Variants in TXNRD3 observed in about 807,000 individuals in gnomAD.
TXNRD3 encodes TXNRD3 neighbor gene protein.
Under a neutral mutation model 78.2 loss-of-function variants are expected in TXNRD3, and 68 were observed. The observed-to-expected ratio is 0.87, with a 90% confidence interval of 0.72 to 1.06. The LOEUF (loss-of-function observed/expected upper bound fraction) is 1.06, where lower values mean the gene tolerates loss of function less well. TXNRD3 is among the 50% of genes least tolerant of loss of function. TXNRD3 has a pLI of 0.00. For synonymous variants in TXNRD3, 296 were observed against 300.1 expected (o/e 0.99, Z 0.14); for missense variants, 751 against 809.5 (o/e 0.93, Z 0.88).
chr3:126,646,160 T>C lies in TXNRD3; in HGVS notation c.365A>G (p.Asn122Ser), dbSNP rs749937146. 9 of 1,534,422 alleles carry C rather than the reference T, an allele frequency of 5.9e-6. No individual in the cohort carries two copies. The highest frequency in any genetic ancestry group is 7.9e-6 in the Non-Finnish European group (9 of 1,146,240). ...TACATGCACTTTATTCACGAAAATA[T>C]TGGGCACAGTTTTCTGATTAGTGAT... Residue 122 changes from asparagine to serine, a missense_variant, in exon 3 of 16, where the codon AAT becomes AGT. Asn to Ser is a conservative substitution (Grantham distance 46). Transcript: ENST00000524230.
At chr3:126,643,584 C>T (rs999607255) in intron 5 of TXNRD3, among the ~76,000 whole-genome samples, 1 of 152,132 alleles carries the variant, frequency 6.6e-6, no homozygotes, top group Non-Finnish European at 1.5e-5. Context: ...AAAAATACTA[C>T]GGCAGAAGTG....
intron 8 of TXNRD3, among the ~76,000 whole-genome samples, chr3:126,631,520 G>T (rs1938713871): frequency 6.7e-6 from 1 of 149,472 alleles, no homozygotes; most frequent in African/African-American, 2.5e-5. Context: ...AAACTCCCAG[G>T]CTACTTCTAG....
chr3:126,610,995 T>C (rs1938187134), intron 14 of TXNRD3, 42 bp downstream of exon 14: 1 of 1,197,330 alleles, frequency 8.4e-7, no homozygotes, highest in African/African-American at 1.6e-5. Context: ...AAAAGCTACA[T>C]TTAAAAATCA....
chr3:126,643,788 G>A (rs1310049672), intron 5 of TXNRD3, among the ~76,000 whole-genome samples, 193 bp downstream of exon 5: 1 of 151,856 alleles, frequency 6.6e-6, no homozygotes, highest in Non-Finnish European at 1.5e-5. Flanking sequence ...GGGCTAGTCT[G>A]GAACTTCTGG....
chr3:126,650,416 G>A (rs999431140), intron 1 of TXNRD3, among the ~76,000 whole-genome samples: 2 of 150,320 alleles, frequency 1.3e-5, no homozygotes, highest in Non-Finnish European at 3.0e-5. Flanking sequence ...GCCAGGCGGT[G>A]GATCACTTGA....
At chr3:126,637,115 T>G (rs1335551133) in intron 6 of TXNRD3, among the ~76,000 whole-genome samples, 1 of 152,198 alleles carries the variant, frequency 6.6e-6, no homozygotes, top group Admixed American at 6.5e-5. Flanking sequence ...TTTTGGAGAC[T>G]GGGTTATTCT....
Position 126,621,807 on chromosome 3 carries a change from T to C in TXNRD3, c.1459A>G (p.Thr487Ala), listed in dbSNP as rs1339875356. 6.5e-7 allele frequency: 1 copy of C among 1,535,484 alleles called. No individual in the cohort carries two copies. ...TTGCCTGACTGTATGGCGACAGGAG[T>C]GAGCTCTGGCTTATCCTCCAAAATA... The change falls in exon 12 of 16, where the codon ACT (threonine) becomes GCT (alanine). Residue 487 changes from threonine to alanine, a missense_variant. Coordinates refer to ENST00000524230, the MANE Select transcript of TXNRD3 (RefSeq NM_052883.3).
intron 1 of TXNRD3, among the ~76,000 whole-genome samples, chr3:126,651,783 A>G (rs1166834202): frequency 6.6e-6 from 1 of 152,222 alleles, no homozygotes; most frequent in African/African-American, 2.4e-5. Context: ...AGTCACAAAG[A>G]AGAAAACAAA....
At chr3:126,637,496 T>A (rs975112820) in intron 6 of TXNRD3, among the ~76,000 whole-genome samples, 4 of 152,202 alleles carry the variant, frequency 2.6e-5, no homozygotes, top group Admixed American at 6.5e-5. Flanking sequence ...CCACTGATAT[T>A]ATTTACATTT....
chr3:126,654,797 C>A lies in TXNRD3; in HGVS notation c.194G>T (p.Arg65Leu). The change falls in exon 1 of 16, where the codon CGC becomes CTC. Residue 65 changes from arginine to leucine, a missense_variant. Arg to Leu is a moderately radical substitution (Grantham distance 102). Transcript: ENST00000524230. Reference sequence around the variant, plus strand: ...CTTGCTGAAGATCACCACCCGGCTGCGCTCGATGAGGCCCACGAGGTGGCG... The same window carrying A: ...CTTGCTGAAGATCACCACCCGGCTGAGCTCGATGAGGCCCACGAGGTGGCG... 11 of 1,431,288 alleles carry A rather than the reference C, an allele frequency of 7.7e-6. No individual in the cohort carries two copies. The highest frequency in any genetic ancestry group is 1.0e-5 in the Non-Finnish European group (11 of 1,093,598). The allele number at this position is 1,431,288 out of a possible 1,614,324, so 88.7% of individuals were successfully genotyped here.
chr3:126,627,406 C>T (rs1043565705), intron 10 of TXNRD3, among the ~76,000 whole-genome samples: 5 of 152,112 alleles, frequency 3.3e-5, no homozygotes, highest in African/African-American at 1.2e-4. Flanking sequence ...GGGTCGATGA[C>T]TGGGAAAAAG....
chr3:126,609,115 G>A, intron 14 of TXNRD3: 1 of 437,544 alleles, frequency 2.3e-6, no homozygotes. Flanking sequence ...TGAGAGGTAT[G>A]GGGTGCAGGC....
intron 1 of TXNRD3, among the ~76,000 whole-genome samples, chr3:126,652,767 T>C (rs1484965502): frequency 6.6e-6 from 1 of 152,218 alleles, no homozygotes; most frequent in Non-Finnish European, 1.5e-5. Flanking sequence ...AGATAGGCTC[T>C]GGCCACTTGC....
At chr3:126,621,945 A>C in intron 11 of TXNRD3, 47 bp from the exon 12 acceptor site, 1 of 1,411,388 alleles carries the variant, frequency 7.1e-7, no homozygotes, top group Non-Finnish European at 9.2e-7. Flanking sequence ...AACTCACTCT[A>C]CACTGCTGGC....
chr3:126,612,710 T>C (rs9855996), intron 13 of TXNRD3, among the ~76,000 whole-genome samples: 5,433 of 152,314 alleles, frequency 0.036, 125 homozygotes, highest in African/African-American at 0.059. Flanking sequence ...TCACTGGTTT[T>C]GTCAAATGTG....
intron 1 of TXNRD3, 57 bp from the exon 2 acceptor site, chr3:126,647,353 T>C: frequency 8.2e-7 from 1 of 1,212,550 alleles, no homozygotes; most frequent in Non-Finnish European, 1.2e-6. Flanking sequence ...AGCTATGAAA[T>C]ATGAACATAG....
intron 1 of TXNRD3, among the ~76,000 whole-genome samples, chr3:126,650,964 G>C (rs1309941469): frequency 6.6e-6 from 1 of 152,056 alleles, no homozygotes; most frequent in Non-Finnish European, 1.5e-5. Context: ...AGCTCAATTA[G>C]ACTATGAGCG....
At position 126,655,058 on chromosome 3, in the gene TXNRD3, G is replaced by C. The variant is rs1381310502; in HGVS notation, c.-68C>G. Reference sequence around the variant, plus strand: ...CCGAAACGCAGGCGGCTGCGGCGCCGGGACGGGGCCTGAGGGGCGGCGAAC... The same window carrying C: ...CCGAAACGCAGGCGGCTGCGGCGCCCGGACGGGGCCTGAGGGGCGGCGAAC... On this transcript the variant is annotated 5_prime_UTR_variant, in exon 1 of 16. Coordinates refer to ENST00000524230, the MANE Select transcript of TXNRD3 (RefSeq NM_052883.3). The C allele has an allele frequency of 1.6e-6, 2 of 1,289,592 alleles. No homozygotes were observed. Among genetic ancestry groups the C allele is most frequent in the Non-Finnish European group, 2.0e-6 (2 of 1,019,872 alleles). The allele number at this position is 1,289,592 out of a possible 1,614,324, so 79.9% of individuals were successfully genotyped here. A position where few individuals can be genotyped will look rare whatever the true frequency, so the allele number is the denominator to read the frequency against.
At chr3:126,653,359 C>A (rs1287136821) in intron 1 of TXNRD3, among the ~76,000 whole-genome samples, 1 of 151,994 alleles carries the variant, frequency 6.6e-6, no homozygotes, top group Non-Finnish European at 1.5e-5. Context: ...TAAGTCAGTA[C>A]AAACAACTAA....
Sources: gnomAD v4.1 joint callset for allele counts (sites outside exome capture counted in the v4.1 genomes callset) on GRCh38, gnomAD v4.1.1 for gene constraint, MANE v1.5 for transcripts, NCBI Gene and HGNC (gene_info 2026-07-23, HGNC 2026-07-21) for gene names.